The following TRPC5OS variants were observed in gnomAD, a reference collection of about 807,000 sequenced individuals.
TRPC5OS encodes the protein TRPC5 opposite strand.
For missense variants in TRPC5OS, 64 were observed against 79.3 expected (o/e 0.81, Z 0.73); for synonymous variants, 30 against 29.3 (o/e 1.02, Z -0.08).
At chrX:111,877,246 A>T (rs1410530688) in intron 1 of TRPC5OS, among the ~76,000 whole-genome samples, 1 of 111,988 alleles carries the variant, frequency 8.9e-6, no homozygotes, top group Non-Finnish European at 1.9e-5. Flanking sequence ...AATTGACAAT[A>T]TCTAGCAATC....
chrX:111,887,956 AAGTT>A (rs1352143575), intron 1 of TRPC5OS, among the ~76,000 whole-genome samples: 1 of 111,902 alleles, frequency 8.9e-6, no homozygotes, highest in Non-Finnish European at 1.9e-5. Flanking sequence ...AAAAATTAAA[AAGTT>A]AGAGCGGAAT....
chrX:111,899,467 G>C (rs925036502), intron 3 of TRPC5OS, among the ~76,000 whole-genome samples: 2 of 111,596 alleles, frequency 1.8e-5, no homozygotes, highest in African/African-American at 6.5e-5. Context: ...GATGGAGATA[G>C]AGAGGGTGTG....
chrX:111,894,182 G>A (rs777593128), intron 1 of TRPC5OS, among the ~76,000 whole-genome samples: 1 of 111,295 alleles, frequency 9.0e-6, no homozygotes, highest in East Asian at 2.8e-4. Flanking sequence ...CCTTGGATAT[G>A]AACTAATTTA....
intron 1 of TRPC5OS, among the ~76,000 whole-genome samples, chrX:111,879,860 CTCTTATCCAT>C (rs1924122697): frequency 8.9e-6 from 1 of 112,133 alleles, no homozygotes; most frequent in Admixed American, 9.4e-5. Flanking sequence ...AAGCCTGTGG[CTCTTATCCAT>C]TGTGCTAGTG....
intron 1 of TRPC5OS, among the ~76,000 whole-genome samples, chrX:111,894,904 C>T (rs985498682): frequency 1.1e-4 from 12 of 110,982 alleles, no homozygotes; most frequent in African/African-American, 3.9e-4. Context: ...CCAGAGGTAA[C>T]CACTTTGTTC....
At chrX:111,887,184 C>T (rs1429897617) in intron 1 of TRPC5OS, among the ~76,000 whole-genome samples, 2 of 112,416 alleles carry the variant, frequency 1.8e-5, no homozygotes, top group Non-Finnish European at 3.8e-5. Context: ...TATTACATTG[C>T]TTTGGAGAAC....
At chrX:111,900,380 C>A (rs1379568292) in intron 3 of TRPC5OS, among the ~76,000 whole-genome samples, 1 of 111,296 alleles carries the variant, frequency 9.0e-6, no homozygotes, top group African/African-American at 3.3e-5. Flanking sequence ...TGTAGATATA[C>A]CCAAGAAAAA....
intron 1 of TRPC5OS, among the ~76,000 whole-genome samples, chrX:111,879,870 T>C (rs1054287227): frequency 3.6e-5 from 4 of 112,121 alleles, no homozygotes; most frequent in Non-Finnish European, 7.5e-5. Context: ...CTCTTATCCA[T>C]TGTGCTAGTG....
intron 1 of TRPC5OS, among the ~76,000 whole-genome samples, chrX:111,877,319 GCT>G (rs2148596798): frequency 8.9e-6 from 1 of 112,017 alleles, no homozygotes; most frequent in East Asian, 2.8e-4. Context: ...GGATATCTCT[GCT>G]ACAAAATGAT....
intron 1 of TRPC5OS, among the ~76,000 whole-genome samples, chrX:111,888,510 CAAAAAAAAAAAAAAGAAAGAAAAG>C (rs1378846405): frequency 8.4e-4 from 55 of 65,277 alleles, no homozygotes; most frequent in South Asian, 4.4e-3. Flanking sequence ...CCGTCTCTAC[CAAAAAAAAAAAAAAGAAAGAAAAG>C]AAAAAAAAAA....
At chrX:111,890,573 A>G (rs1289387894) in intron 1 of TRPC5OS, among the ~76,000 whole-genome samples, 1 of 111,583 alleles carries the variant, frequency 9.0e-6, no homozygotes, top group Non-Finnish European at 1.9e-5. Flanking sequence ...CCAAGAGACA[A>G]ACATTGTGTT....
At chrX:111,894,080 G>A (rs760755985) in intron 1 of TRPC5OS, among the ~76,000 whole-genome samples, 1 of 111,167 alleles carries the variant, frequency 9.0e-6, no homozygotes, top group Non-Finnish European at 1.9e-5. Flanking sequence ...GGAACACTAT[G>A]GAAAAAAATT....
intron 1 of TRPC5OS, among the ~76,000 whole-genome samples, chrX:111,893,095 TC>T (rs770182885): frequency 9.3e-5 from 10 of 108,092 alleles, no homozygotes; most frequent in Non-Finnish European, 1.2e-4. Flanking sequence ...TTTTTTTTTT[TC>T]GGATACCAGA....
At chrX:111,896,787 C>T (rs145077999) in intron 3 of TRPC5OS, among the ~76,000 whole-genome samples, 6,164 of 111,649 alleles carry the variant, frequency 0.055, 420 homozygotes, top group African/African-American at 0.19. Flanking sequence ...TTTAGAAGTC[C>T]GACCTGGGCT....
At chrX:111,876,139 A>G (rs965339449), upstream of TRPC5OS, 3 of 111,087 alleles carry the variant, frequency 2.7e-5, no homozygotes, top group African/African-American at 6.5e-5. Flanking sequence ...AATTATGTAG[A>G]CGGAAGAGGA....
intron 1 of TRPC5OS, among the ~76,000 whole-genome samples, chrX:111,887,825 C>T (rs1204438995): frequency 8.9e-6 from 1 of 112,034 alleles, no homozygotes; most frequent in Non-Finnish European, 1.9e-5. Context: ...TGCACTTAGA[C>T]AAAACAGAGA....
At position 111,903,107 on chromosome X, in the gene TRPC5OS, G is replaced by A. The variant is rs924636476; in HGVS notation, c.*922G>A. 5.4e-5 allele frequency: 6 copies of A among 111,440 alleles called. No homozygotes were observed. The highest frequency in any genetic ancestry group is 2.0e-4 in the African/African-American group (6 of 30,673). 9.2% of individuals were successfully genotyped at this position (111,440 alleles called of 1,213,427 possible). ...GGACCCTTGTTTTCCTGGGTCACCT[G>A]AACAGATTGTACTGTAATGGTACCT... On this transcript the variant is annotated 3_prime_UTR_variant, in exon 4 of 4. Coordinates refer to ENST00000635763, the MANE Select transcript of TRPC5OS (RefSeq NM_001195578.2).
intron 1 of TRPC5OS, among the ~76,000 whole-genome samples, chrX:111,878,971 T>A (rs1347944044): frequency 3.6e-5 from 4 of 112,214 alleles, no homozygotes; most frequent in African/African-American, 1.3e-4. Flanking sequence ...AAACAGCAAG[T>A]ACTGAAACAA....
At chrX:111,884,823 A>G (rs192280997) in intron 1 of TRPC5OS, among the ~76,000 whole-genome samples, 5 of 113,060 alleles carry the variant, frequency 4.4e-5, no homozygotes, top group Admixed American at 9.3e-5. Context: ...TCTAGGGCAT[A>G]AGTCTAGAGG....
Sources: gnomAD v4.1 joint callset for allele counts (sites outside exome capture counted in the v4.1 genomes callset) on GRCh38, gnomAD v4.1.1 for gene constraint, MANE v1.5 for transcripts, NCBI Gene and HGNC (gene_info 2026-07-23, HGNC 2026-07-21) for gene names.